Variants in RNF38 observed in about 807,000 individuals in gnomAD.
RNF38 encodes E3 ubiquitin-protein ligase RNF38.
In RNF38, 15 loss-of-function variants were observed where a neutral mutation model predicts 67.2. The ratio of observed to expected loss-of-function variants is 0.22; its 90% confidence interval spans 0.15 to 0.34. RNF38 has a LOEUF of 0.34. RNF38 is among the 10% of genes least tolerant of loss of function. RNF38 has a pLI of 1.00. For missense variants in RNF38, 524 were observed against 639.9 expected, an observed-to-expected ratio of 0.82 and a Z score of 1.95; for synonymous variants, 220 against 218.8, an observed-to-expected ratio of 1.01 and a Z score of -0.05.
Position 36,465,847 on chromosome 9 carries a change from G to A in RNF38, n.241+21461C>T, listed in dbSNP as rs112430135. On this transcript the variant is annotated intron_variant and non_coding_transcript_variant, in intron 1 of 3. Coordinates refer to the RNF38 transcript ENST00000488058. Reference sequence around the variant, plus strand: ...GGGTGGATCACGAGGTCAGGAGATCGGGACCATCCTGGCTAACACGGTGAA... The same window carrying A: ...GGGTGGATCACGAGGTCAGGAGATCAGGACCATCCTGGCTAACACGGTGAA... Among the ~76,000 whole-genome samples, 1,440 of 152,064 alleles carry A rather than the reference G, an allele frequency of 9.5e-3. 12 individuals carry two copies. Among genetic ancestry groups the A allele is most frequent in the Middle Eastern group, 0.027 (8 of 294 alleles).
chr9:36,429,686 C>A (rs536185009), intron 1 of RNF38, among the ~76,000 whole-genome samples: 2 of 151,884 alleles, frequency 1.3e-5, no homozygotes, highest in South Asian at 2.1e-4. Flanking sequence ...CCCAGCTACT[C>A]GGGAGGCTGA....
intron 1 of RNF38, among the ~76,000 whole-genome samples, chr9:36,438,664 G>A (rs1410038656): frequency 6.6e-6 from 1 of 152,086 alleles, no homozygotes; most frequent in Non-Finnish European, 1.5e-5. Flanking sequence ...GACCTAGATA[G>A]GTTAGCACAC....
At chr9:36,401,560 T>G (rs1838035227), upstream of RNF38, among the ~76,000 whole-genome samples, 9 of 152,134 alleles carry the variant, frequency 5.9e-5, no homozygotes. Context: ...GAGGCTTCCT[T>G]AAGTGTGACA....
intron 2 of RNF38, among the ~76,000 whole-genome samples, chr9:36,377,486 T>A (rs909020369): frequency 1.3e-5 from 2 of 152,172 alleles, no homozygotes; most frequent in African/African-American, 4.8e-5. Flanking sequence ...CCAAAAACCA[T>A]GTCATTTCCC....
In RNF38 at chr9:36,351,158, C is replaced by A; in HGVS notation, c.1220G>T (p.Ser407Ile). 1 of 1,613,246 alleles carries A rather than the reference C, an allele frequency of 6.2e-7. No homozygotes were observed. Reference sequence around the variant, plus strand: ...TCCATCTTCTACATCTAATTCAAAGCTGAAAGTTGGGCCCACTGCAGGTGG... The same window carrying A: ...TCCATCTTCTACATCTAATTCAAAGATGAAAGTTGGGCCCACTGCAGGTGG... ...PVPPAVGPTF[S>I]FELDVEDGEV... Residue 407 changes from serine (S) to isoleucine (I), a missense_variant, in exon 9 of 12, where the codon AGC becomes ATC. Physicochemically the swap from Ser to Ile is moderately radical, Grantham distance 142. Around this residue, in one of 2 missense-constraint regions of RNF38, gnomAD observed 461 missense variants for 517.4 expected, o/e 0.89. Coordinates refer to ENST00000259605, the MANE Select transcript of RNF38 (RefSeq NM_022781.5).
intron 1 of RNF38, among the ~76,000 whole-genome samples, chr9:36,478,803 G>C (rs1840183290): frequency 7.4e-6 from 1 of 134,684 alleles, no homozygotes; most frequent in South Asian, 2.5e-4. Flanking sequence ...GGCAACAAGA[G>C]TGAAACGCTG....
intron 1 of RNF38, among the ~76,000 whole-genome samples, chr9:36,432,862 G>T (rs911277511): frequency 1.1e-4 from 17 of 152,232 alleles, no homozygotes; most frequent in Middle Eastern, 3.4e-3. Context: ...TATATGGTAA[G>T]CATGAGTCAT....
At chr9:36,392,651 G>C (rs554749402) in intron 1 of RNF38, among the ~76,000 whole-genome samples, 2 of 152,250 alleles carry the variant, frequency 1.3e-5, no homozygotes, top group South Asian at 4.1e-4. Flanking sequence ...TGTAGTCTTA[G>C]CTACTCAGGA....
At chr9:36,417,101 G>C (rs535743779) in intron 2 of RNF38, among the ~76,000 whole-genome samples, 8 of 152,130 alleles carry the variant, frequency 5.3e-5, no homozygotes, top group African/African-American at 1.4e-4. Flanking sequence ...CTCTAAATTC[G>C]TATCAGCTCC....
chr9:36,448,745 T>C (rs1384813165), intron 1 of RNF38, among the ~76,000 whole-genome samples: 2 of 152,168 alleles, frequency 1.3e-5, no homozygotes, highest in African/African-American at 2.4e-5. Context: ...TGGCTCAGCC[T>C]GTAATCTCAG....
chr9:36,454,507 ATTATG>A (rs1839536970), intron 1 of RNF38, among the ~76,000 whole-genome samples: 1 of 151,568 alleles, frequency 6.6e-6, no homozygotes, highest in Non-Finnish European at 1.5e-5. Flanking sequence ...TTGCACAAAT[ATTATG>A]TTAGGTGTTT....
At chr9:36,384,886 C>T (rs1324163757) in intron 2 of RNF38, among the ~76,000 whole-genome samples, 1 of 152,146 alleles carries the variant, frequency 6.6e-6, no homozygotes, top group Non-Finnish European at 1.5e-5. Flanking sequence ...GAACTGCTAA[C>T]GAATATACAG....
In RNF38 at chr9:36,456,184, T is replaced by C. The variant is rs368422906; in HGVS notation, n.241+31124A>G. On this transcript the variant is annotated intron_variant and non_coding_transcript_variant, in intron 1 of 3. Coordinates refer to the RNF38 transcript ENST00000488058. Reference sequence around the variant, plus strand: ...AGCAATTCTCCTTCCTCAGCCTTCCTAGTAGCTGAGATTACAGGTGTACAC... The same window carrying C: ...AGCAATTCTCCTTCCTCAGCCTTCCCAGTAGCTGAGATTACAGGTGTACAC... Among the ~76,000 whole-genome samples the C allele has an allele frequency of 5.9e-5, 9 of 152,194 alleles. No individual in the cohort carries two copies. The East Asian group carries it at 1.7e-3, about 29-fold the overall frequency.
At chr9:36,415,783 T>C (rs1428466175) in intron 2 of RNF38, among the ~76,000 whole-genome samples, 2 of 152,298 alleles carry the variant, frequency 1.3e-5, no homozygotes, top group South Asian at 2.1e-4. Flanking sequence ...TTTTCTCAAA[T>C]GCTGGTTGTG....
At chr9:36,452,067 A>T (rs77746299) in intron 1 of RNF38, among the ~76,000 whole-genome samples, 2,617 of 151,834 alleles carry the variant, frequency 0.017, 68 homozygotes, top group African/African-American at 0.058. Flanking sequence ...AAATTTTTTT[A>T]AAAAAAATAG....
At chr9:36,346,544 A>G (rs1355426866) in intron 9 of RNF38, among the ~76,000 whole-genome samples, 3 of 152,088 alleles carry the variant, frequency 2.0e-5, no homozygotes, top group Non-Finnish European at 4.4e-5. Context: ...AATGACTCTA[A>G]TAACTCATTT....
intron 3 of RNF38, among the ~76,000 whole-genome samples, chr9:36,373,258 C>T (rs1033080138): frequency 2.0e-5 from 3 of 151,966 alleles, no homozygotes; most frequent in Non-Finnish European, 4.4e-5. Context: ...CAACAGCAGG[C>T]GGATACATAA....
chr9:36,460,230 G>A (rs750619290), intron 1 of RNF38, among the ~76,000 whole-genome samples: 23 of 152,126 alleles, frequency 1.5e-4, no homozygotes, highest in Non-Finnish European at 3.2e-4. Flanking sequence ...AAATATACTA[G>A]AAATTCCAAT....
intron 1 of RNF38, among the ~76,000 whole-genome samples, chr9:36,459,071 G>A (rs1216808879): frequency 6.6e-6 from 1 of 152,022 alleles, no homozygotes; most frequent in Admixed American, 6.6e-5. Context: ...AGGTGGGCGT[G>A]GTAGTGCAGG....
Sources: gnomAD v4.1 joint callset for allele counts (sites outside exome capture counted in the v4.1 genomes callset) on GRCh38, gnomAD v4.1.1 for gene constraint, gnomAD v4.1.1 regional missense constraint, MANE v1.5 for transcripts, NCBI Gene and HGNC (gene_info 2026-07-23, HGNC 2026-07-21) for gene names.